The following GRIN3A variants were observed in gnomAD, a reference collection of about 807,000 sequenced individuals.
GRIN3A encodes the protein glutamate ionotropic receptor NMDA type subunit 3A.
Under a neutral mutation model 92.4 loss-of-function variants are expected in GRIN3A, and 47 were observed. The ratio of observed to expected loss-of-function variants is 0.51; its 90% confidence interval spans 0.40 to 0.65. The LOEUF is 0.65. GRIN3A is among the 30% of genes least tolerant of loss of function. The pLI is 0.00. For missense variants in GRIN3A, 1,324 were observed against 1,393.1 expected (o/e 0.95, Z 0.79); for synonymous variants, 527 against 540.6 (o/e 0.97, Z 0.35).
intron 6 of GRIN3A, among the ~76,000 whole-genome samples, chr9:101,596,804 G>C (rs549448599): frequency 6.6e-6 from 1 of 152,308 alleles, no homozygotes; most frequent in East Asian, 1.9e-4. Context: ...CTAAAGAAGA[G>C]CTGAATGATT....
intron 8 of GRIN3A, 56 bp from the exon 9 acceptor site, chr9:101,573,569 G>T: frequency 7.4e-7 from 1 of 1,347,368 alleles, no homozygotes; most frequent in Non-Finnish European, 1.1e-6. Flanking sequence ...TCAAGGTGCT[G>T]TCTTCATCTG....
At chr9:101,707,471 C>T (rs1420129052) in intron 1 of GRIN3A, among the ~76,000 whole-genome samples, 14 of 152,144 alleles carry the variant, frequency 9.2e-5, no homozygotes, top group Admixed American at 9.2e-4. Flanking sequence ...CTTTTGGTTG[C>T]CCTGGTAATG....
Position 101,686,875 on chromosome 9 carries a change from G to A in GRIN3A, c.1025C>T (p.Thr342Ile). The stretch of plus-strand genomic sequence containing the variant: ...AGGGGGCATGACCCCAAACTGGGTT[G>A]TAATTTCGAAAATCCGCCGGATACT... ...MESIRRIFEI[T>I]TQFGVMPPEL... Residue 342 changes from threonine to isoleucine, a missense_variant, in exon 2 of 9, where the codon ACA becomes ATA. Thr to Ile is a moderately conservative substitution (Grantham distance 89). Transcript: ENST00000361820. 1 of 1,614,238 alleles carries A rather than the reference G, an allele frequency of 6.2e-7. No homozygotes were observed. Among genetic ancestry groups the A allele is most frequent in the Non-Finnish European group, 8.5e-7 (1 of 1,180,046 alleles).
At chr9:101,612,881 C>T (rs7861051) in intron 6 of GRIN3A, among the ~76,000 whole-genome samples, 81,913 of 152,036 alleles carry the variant, frequency 0.54, 22,612 homozygotes, top group African/African-American at 0.67. Context: ...TTCAAAAATC[C>T]ATGACTCTGT....
Position 101,670,284 on chromosome 9 carries a change from T to C in GRIN3A, c.2128A>G (p.Arg710Gly), listed in dbSNP as rs1829299397. Residue 710 changes from arginine to glycine, a missense_variant, in exon 3 of 9, where the codon AGA becomes GGA. Transcript: ENST00000361820. Reference sequence around the variant, plus strand: ...GAAGAAAAGGAGAAGACTTTACTTCTATTTCGCCCCTTGGGAGTCAAACCA... The same window carrying C: ...GAAGAAAAGGAGAAGACTTTACTTCCATTTCGCCCCTTGGGAGTCAAACCA... ...PFGLTPKGRN[R>G]SKVFSFSSAL... 1.2e-6 allele frequency: 2 copies of C among 1,613,950 alleles called. No homozygotes were observed. Among genetic ancestry groups the C allele is most frequent in the Non-Finnish European group, 1.7e-6 (2 of 1,179,968 alleles).
At chr9:101,607,201 G>A (rs1312064568) in intron 6 of GRIN3A, among the ~76,000 whole-genome samples, 2 of 151,850 alleles carry the variant, frequency 1.3e-5, no homozygotes, top group African/African-American at 4.8e-5. Flanking sequence ...ACTGTGGCTA[G>A]ATAGCTCTGG....
chr9:101,692,127 T>C (rs948119659), intron 1 of GRIN3A, among the ~76,000 whole-genome samples: 6 of 152,204 alleles, frequency 3.9e-5, no homozygotes, highest in Non-Finnish European at 8.8e-5. Context: ...CTTTTTCTTG[T>C]CTATTTTCAT....
At chr9:101,672,498 G>T (rs1829340643) in intron 2 of GRIN3A, among the ~76,000 whole-genome samples, 1 of 152,228 alleles carries the variant, frequency 6.6e-6, no homozygotes, top group Non-Finnish European at 1.5e-5. Context: ...ATGTAGAGTG[G>T]AACACAGTAG....
intron 3 of GRIN3A, among the ~76,000 whole-genome samples, chr9:101,637,695 A>C (rs1382981734): frequency 1.3e-5 from 2 of 152,246 alleles, no homozygotes; most frequent in Non-Finnish European, 2.9e-5. Flanking sequence ...CAAATTTCAC[A>C]TGAGAAACTG....
At chr9:101,715,759 T>G (rs956310796) in intron 1 of GRIN3A, among the ~76,000 whole-genome samples, 34 of 152,132 alleles carry the variant, frequency 2.2e-4, no homozygotes, top group African/African-American at 8.2e-4. Context: ...AATATCTGAG[T>G]GATTACTATG....
chr9:101,647,536 C>G lies in GRIN3A; in HGVS notation c.2353-19135G>C, dbSNP rs1828954573. Among the ~76,000 whole-genome samples, 5 of 151,698 alleles carry G rather than the reference C, an allele frequency of 3.3e-5. No homozygotes were observed. The South Asian group carries it at 1.0e-3, about 31-fold the overall frequency. The stretch of plus-strand genomic sequence containing the variant: ...AGAATGAGTTTGGAATTATTTCCTT[C>G]TCTTCAATTTTTTCAAAATAGTTTG... On this transcript the variant is annotated intron_variant, in intron 3 of 8. Coordinates refer to ENST00000361820, the MANE Select transcript of GRIN3A (RefSeq NM_133445.3).
At chr9:101,736,958 G>C (rs1018064318) in intron 1 of GRIN3A, among the ~76,000 whole-genome samples, 4 of 151,804 alleles carry the variant, frequency 2.6e-5, no homozygotes, top group Non-Finnish European at 4.4e-5. Context: ...CCTGAACCTC[G>C]ACTTCTACTT....
intron 3 of GRIN3A, among the ~76,000 whole-genome samples, chr9:101,665,961 T>C (rs1829231825): frequency 1.3e-5 from 2 of 151,966 alleles, no homozygotes; most frequent in South Asian, 4.1e-4. Flanking sequence ...TATTTTTTTC[T>C]GATAACCACT....
rs1366217904 is a variant in GRIN3A at position 101,667,887 on chromosome 9, G to A, written c.2352+2173C>T. On this transcript the variant is annotated intron_variant, in intron 3 of 8. Transcript: ENST00000361820. ...TGGGTGTCTTTTTATGGAAAGAAGT[G>A]AACCTACAAAAGAGATATTTTACCG... 2.0e-5 allele frequency among the ~76,000 whole-genome samples: 3 copies of A among 151,992 alleles called. No individual in the cohort carries two copies. In the East Asian group the frequency reaches 5.8e-4, roughly 29 times the overall value.
chr9:101,639,475 C>A (rs1406076308), intron 3 of GRIN3A, among the ~76,000 whole-genome samples: 1 of 152,192 alleles, frequency 6.6e-6, no homozygotes, highest in Non-Finnish European at 1.5e-5. Context: ...ACTCAAACTT[C>A]TCTCTTGAAT....
chr9:101,594,644 C>G lies in GRIN3A; in HGVS notation c.2767-15284G>C, dbSNP rs751694822. 6 of 1,614,182 alleles carry G rather than the reference C, an allele frequency of 3.7e-6. No individual in the cohort carries two copies. In the South Asian group the frequency reaches 6.6e-5, roughly 18 times the overall value. On this transcript the variant is annotated intron_variant, in intron 6 of 8. Transcript: ENST00000361820. ...CATGTCGTAAATGCTGAACGCAAAC[C>G]TCAACTTCTGCTCCTCGTCGCCCTT...
chr9:101,639,393 G>A (rs1828824943), intron 3 of GRIN3A, among the ~76,000 whole-genome samples: 1 of 151,596 alleles, frequency 6.6e-6, no homozygotes. Context: ...GAATAACCCC[G>A]GCTTTTTGTT....
chr9:101,579,972 T>C (rs1355341795), intron 6 of GRIN3A, among the ~76,000 whole-genome samples: 1 of 152,186 alleles, frequency 6.6e-6, no homozygotes, highest in African/African-American at 2.4e-5. Context: ...AGGGTTTTCA[T>C]GTCCTCTGCT....
intron 2 of GRIN3A, among the ~76,000 whole-genome samples, chr9:101,684,941 A>G (rs899097355): frequency 6.6e-6 from 1 of 152,198 alleles, no homozygotes. Flanking sequence ...TTCTTGTCTT[A>G]GATAAAATTC....
Sources: gnomAD v4.1 joint callset for allele counts (sites outside exome capture counted in the v4.1 genomes callset) on GRCh38, gnomAD v4.1.1 for gene constraint, MANE v1.5 for transcripts, NCBI Gene and HGNC (gene_info 2026-07-23, HGNC 2026-07-21) for gene names.